Variants in DGKD observed in about 807,000 individuals in gnomAD.
The protein encoded by DGKD is diacylglycerol kinase delta, also known as DAG kinase delta.
Under a neutral mutation model 154.4 loss-of-function variants are expected in DGKD, and 68 were observed. The observed-to-expected ratio is 0.44, with a 90% CI of 0.36 to 0.54. DGKD has a LOEUF of 0.54. DGKD is among the 20% of genes least tolerant of loss of function. DGKD has a pLI of 0.00. For missense variants in DGKD, 1,343 were observed against 1,593.6 expected, an observed-to-expected ratio of 0.84 and a Z score of 2.68; for synonymous variants, 693 against 638.0, an observed-to-expected ratio of 1.09 and a Z score of -1.30.
chr2:233,359,095 A>G (rs1701658855), intron 1 of DGKD, among the ~76,000 whole-genome samples: 1 of 152,224 alleles, frequency 6.6e-6, no homozygotes, highest in Non-Finnish European at 1.5e-5. Context: ...GGGATGAAGT[A>G]ATGTAAAAGG....
In DGKD at chr2:233,438,273, A is replaced by C. The variant is rs1206425344; in HGVS notation, c.979A>C (p.Asn327His). 1 of 1,614,180 alleles carries C rather than the reference A, an allele frequency of 6.2e-7. No homozygotes were observed. The highest frequency in any genetic ancestry group is 8.5e-7 in the Non-Finnish European group (1 of 1,180,032). The stretch of plus-strand genomic sequence containing the variant: ...CACAAGCCCACTGTTGGTCTTCGTC[A>C]ATTCAAAAAGTGGGGACAACCAGGG... ...SCTSPLLVFV[N>H]SKSGDNQGVK... Residue 327 changes from asparagine to histidine, a missense_variant, in exon 9 of 30, where the codon AAT becomes CAT. Physicochemically the swap from Asn to His is moderately conservative, Grantham distance 68 (BLOSUM62 1). Around this residue, in one of 6 missense-constraint regions of DGKD, gnomAD observed 332 missense variants for 400.1 expected, o/e 0.83. Coordinates refer to ENST00000264057, the MANE Select transcript of DGKD (RefSeq NM_152879.3). The surrounding 1 kb of genome is among the most constrained non-coding windows in gnomAD (Gnocchi z 4.1).
At position 233,398,217 on chromosome 2, in the gene DGKD, A is replaced by C. The variant is rs1440351608; in HGVS notation, c.348+7734A>C. Reference sequence around the variant, plus strand: ...GAGTGCAGTGGTGCGATCTTGGCTTACTGCAAGCTCCGCCTCCCGGGTTCA... The same window carrying C: ...GAGTGCAGTGGTGCGATCTTGGCTTCCTGCAAGCTCCGCCTCCCGGGTTCA... On this transcript the variant is annotated intron_variant, in intron 3 of 29. Transcript: ENST00000264057. Among the ~76,000 whole-genome samples, 36 of 150,388 alleles carry C rather than the reference A, an allele frequency of 2.4e-4. 1 individual carries two copies. Among genetic ancestry groups the C allele is most frequent in the Non-Finnish European group, 4.1e-4 (28 of 67,724 alleles).
At chr2:233,439,405 C>G (rs1463118219) in intron 9 of DGKD, among the ~76,000 whole-genome samples, 6 of 152,194 alleles carry the variant, frequency 3.9e-5, no homozygotes, top group Non-Finnish European at 8.8e-5. Context: ...GTTGCTCATC[C>G]CCACTCACAG....
chr2:233,397,639 A>G (rs1689811843), intron 3 of DGKD, among the ~76,000 whole-genome samples: 1 of 152,058 alleles, frequency 6.6e-6, no homozygotes, highest in Non-Finnish European at 1.5e-5. Context: ...CTTGGGACTT[A>G]CTCCTCAGGA....
Position 233,436,322 on chromosome 2 carries a change from A to G in DGKD, c.700A>G (p.Met234Val), listed in dbSNP as rs1281828880. 6.2e-7 allele frequency: 1 copy of G among 1,614,210 alleles called. No individual in the cohort carries two copies. The highest frequency in any genetic ancestry group is 8.5e-7 in the Non-Finnish European group (1 of 1,180,030). Reference sequence around the variant, plus strand: ...TGCCTCTGTTTGGTTGCAGATTGCAATGCCCCACCAGTGGTTGGAAGGAAA... The same window carrying G: ...TGCCTCTGTTTGGTTGCAGATTGCAGTGCCCCACCAGTGGTTGGAAGGAAA... ...DIIEDADGIAMPHQWLEGNLP... is the reference protein window; with the variant it reads ...DIIEDADGIAVPHQWLEGNLP... Residue 234 changes from methionine (M) to valine (V), a missense_variant, in exon 7 of 30, where the codon ATG becomes GTG. Met to Val is a conservative substitution (Grantham distance 21). Transcript: ENST00000264057.
chr2:233,372,566 A>G (rs1702378493), intron 1 of DGKD, among the ~76,000 whole-genome samples: 1 of 151,786 alleles, frequency 6.6e-6, no homozygotes, highest in South Asian at 2.1e-4. Flanking sequence ...AAGTAGAACC[A>G]GGTTTGTCAA....
Position 233,457,111 on chromosome 2 carries a change from G to T in DGKD, c.2473-110G>T. 7.7e-7 allele frequency: 1 copy of T among 1,299,354 alleles called. No individual in the cohort carries two copies. The highest frequency in any genetic ancestry group is 1.7e-5 in the Admixed American group (1 of 57,144). The allele number at this position is 1,299,354 out of a possible 1,614,324, so 80.5% of individuals were successfully genotyped here. Reference sequence around the variant, plus strand: ...CATGCACAGGGACTTGCCTGGGGATGCCCTGGCCACGGCTGTGCTCCTGAG... The same window carrying T: ...CATGCACAGGGACTTGCCTGGGGATTCCCTGGCCACGGCTGTGCTCCTGAG... On this transcript the variant is annotated intron_variant, in intron 20 of 29. Coordinates refer to ENST00000264057, the MANE Select transcript of DGKD (RefSeq NM_152879.3). The surrounding 1 kb of genome is among the most constrained non-coding windows in gnomAD (Gnocchi z 5.5).
intron 1 of DGKD, among the ~76,000 whole-genome samples, chr2:233,357,200 C>G (rs562545284): frequency 3.5e-4 from 53 of 152,308 alleles, no homozygotes; most frequent in Non-Finnish European, 5.9e-4. Flanking sequence ...GCTGCTGCTG[C>G]GGATGTACTG....
At chr2:233,364,941 CACTA>C (rs1701952615) in intron 1 of DGKD, among the ~76,000 whole-genome samples, 1 of 152,080 alleles carries the variant, frequency 6.6e-6, no homozygotes, top group Non-Finnish European at 1.5e-5. Context: ...ACTATGCAAA[CACTA>C]ACCAAAAGAA....
intron 6 of DGKD, 27 bp downstream of exon 6, chr2:233,435,951 G>T: frequency 6.4e-7 from 1 of 1,572,992 alleles, no homozygotes; most frequent in South Asian, 1.1e-5. Flanking sequence ...CACCTGTGGG[G>T]CCCTGAGCCA....
intron 3 of DGKD, among the ~76,000 whole-genome samples, chr2:233,431,116 A>G (rs138392426): frequency 6.6e-6 from 1 of 152,244 alleles, no homozygotes. Flanking sequence ...TAAAACTGAT[A>G]AATTCAGTAG....
At chr2:233,386,617 A>G (rs1017409789) in intron 1 of DGKD, among the ~76,000 whole-genome samples, 1 of 152,062 alleles carries the variant, frequency 6.6e-6, no homozygotes, top group African/African-American at 2.4e-5. Context: ...ATCGTTGGAT[A>G]ATGTTGGGCT....
At chr2:233,383,956 G>A (rs1299452359) in intron 1 of DGKD, among the ~76,000 whole-genome samples, 1 of 152,128 alleles carries the variant, frequency 6.6e-6, no homozygotes, top group African/African-American at 2.4e-5. Flanking sequence ...AGGGTGTGTA[G>A]GTGCCGTGAG....
At chr2:233,465,350 A>AG (rs1271397289) in intron 27 of DGKD, among the ~76,000 whole-genome samples, 1 of 152,238 alleles carries the variant, frequency 6.6e-6, no homozygotes, top group Non-Finnish European at 1.5e-5. Flanking sequence ...GAGGCTGGGA[A>AG]GAGGACATGG....
At chr2:233,361,916 C>G (rs1384075750) in intron 1 of DGKD, among the ~76,000 whole-genome samples, 1 of 152,108 alleles carries the variant, frequency 6.6e-6, no homozygotes, top group Non-Finnish European at 1.5e-5. Flanking sequence ...CTGCCTCAGC[C>G]CCCCGAGTAG....
chr2:233,465,627 A>G (rs569527958), intron 27 of DGKD, among the ~76,000 whole-genome samples: 1 of 152,304 alleles, frequency 6.6e-6, no homozygotes, highest in Non-Finnish European at 1.5e-5. Flanking sequence ...GGTAATTTCT[A>G]ATAGAGCTGA....
At chr2:233,396,773 T>G (rs1704067021) in intron 3 of DGKD, among the ~76,000 whole-genome samples, 1 of 152,122 alleles carries the variant, frequency 6.6e-6, no homozygotes, top group Non-Finnish European at 1.5e-5. Context: ...GTGTTTCTTG[T>G]GCAAATAGGC....
In DGKD at chr2:233,377,918, A is replaced by G. The variant is rs1702665471; in HGVS notation, c.157-10339A>G. On this transcript the variant is annotated intron_variant, in intron 1 of 29. Coordinates refer to ENST00000264057, the MANE Select transcript of DGKD (RefSeq NM_152879.3). ...AGCCTCGACCTCTTGGGCTCAGGTG[A>G]TCCTCCCACCTCAGCCTCTCAAGTA... is the stretch of plus-strand genomic sequence containing the variant. Among the ~76,000 whole-genome samples, 9 of 152,146 alleles carry G rather than the reference A, an allele frequency of 5.9e-5. No homozygotes were observed. The South Asian group carries it at 1.9e-3, about 32-fold the overall frequency.
At chr2:233,355,171 C>G (rs1701481803) in intron 1 of DGKD, among the ~76,000 whole-genome samples, 1 of 152,086 alleles carries the variant, frequency 6.6e-6, no homozygotes, top group South Asian at 2.1e-4. Context: ...CCGCTCGGAC[C>G]CGGGTGCGAG....
Sources: allele counts gnomAD v4.1 joint callset (sites outside exome capture counted in the v4.1 genomes callset), GRCh38; gene constraint gnomAD v4.1.1; regional missense constraint gnomAD v4.1.1; non-coding constraint Gnocchi (gnomAD v3.1); transcripts MANE v1.5; gene names NCBI Gene and HGNC (gene_info 2026-07-23, HGNC 2026-07-21).